The following ACSBG2 variants were observed in gnomAD, a reference collection of about 807,000 sequenced individuals.
ACSBG2 encodes the protein acyl-CoA synthetase bubblegum family member 2.
Under a neutral mutation model 74.7 loss-of-function variants are expected in ACSBG2, and 62 were observed. That is an observed-to-expected ratio of 0.83 (90% CI 0.68 to 1.03). The LOEUF is 1.03. Among genes scored for constraint, ACSBG2 ranks in the 50% least tolerant of loss-of-function variants. ACSBG2 has a pLI of 0.00. For synonymous variants in ACSBG2, 309 were observed against 294.1 expected, an observed-to-expected ratio of 1.05 and a Z score of -0.52; for missense variants, 730 against 817.6, an observed-to-expected ratio of 0.89 and a Z score of 1.31.
At chr19:6,181,221 C>CAA (rs1157571006) in intron 8 of ACSBG2, among the ~76,000 whole-genome samples, 49 of 29,098 alleles carry the variant, frequency 1.7e-3, no homozygotes, top group African/African-American at 4.4e-3. Context: ...GAGACTGTGT[C>CAA]AAAAAAAAAA....
At chr19:6,176,450 C>T (rs2090091341) in intron 7 of ACSBG2, 1 of 1,373,242 alleles carries the variant, frequency 7.3e-7, no homozygotes, top group East Asian at 2.6e-5. Flanking sequence ...TGATCTGTAA[C>T]ATAAGGGACA....
intron 7 of ACSBG2, among the ~76,000 whole-genome samples, chr19:6,171,677 T>C (rs1467043203): frequency 1.3e-5 from 2 of 152,160 alleles, no homozygotes; most frequent in Non-Finnish European, 2.9e-5. Flanking sequence ...CTTGGTCTGA[T>C]GACTATATGC....
At chr19:6,150,971 A>T (rs922887136) in intron 3 of ACSBG2, among the ~76,000 whole-genome samples, 7 of 151,816 alleles carry the variant, frequency 4.6e-5, no homozygotes, top group African/African-American at 1.7e-4. Flanking sequence ...AAAATTAGCC[A>T]GGCGTGGTGG....
In ACSBG2 at chr19:6,187,386, T is replaced by C. The variant is rs1195158866; in HGVS notation, c.1644T>C (p.Asp548=). The C allele has an allele frequency of 2.5e-6, 4 of 1,614,060 alleles. No homozygotes were observed. The African/African-American group carries it at 5.3e-5, about 22-fold the overall frequency. The change falls in exon 12 of 15, where the codon GAT becomes GAC. Residue 548 remains aspartate (D), a synonymous_variant. Coordinates refer to ENST00000588485, the MANE Select transcript of ACSBG2 (RefSeq NM_030924.5). ...TCAGTAACGCCATGTTAGTAGGAGA[T>C]AAACTGAAGTTTCTGAGCATGTTGC... is the stretch of plus-strand genomic sequence containing the variant. The part of the protein sequence containing the change: ...PIISNAMLVG[D]KLKFLSMLLT...
At chr19:6,136,344 G>A (rs1244243385) in intron 1 of ACSBG2, among the ~76,000 whole-genome samples, 42 of 151,814 alleles carry the variant, frequency 2.8e-4, no homozygotes, top group Admixed American at 2.8e-3. Context: ...CACCCGCCTT[G>A]GCCTCCCAAA....
At chr19:6,146,527 AG>A (rs1320395680) in intron 2 of ACSBG2, among the ~76,000 whole-genome samples, 5 of 151,758 alleles carry the variant, frequency 3.3e-5, no homozygotes, top group Non-Finnish European at 5.9e-5. Flanking sequence ...GCACTTTGGG[AG>A]GCCAAGGCGG....
At chr19:6,159,329 A>C (rs2089530597) in intron 5 of ACSBG2, among the ~76,000 whole-genome samples, 1 of 151,998 alleles carries the variant, frequency 6.6e-6, no homozygotes, top group Non-Finnish European at 1.5e-5. Context: ...TCCTAGCAGA[A>C]CACACTATGG....
chr19:6,139,736 T>C (rs969099686), intron 1 of ACSBG2, among the ~76,000 whole-genome samples: 3 of 152,198 alleles, frequency 2.0e-5, no homozygotes, highest in Non-Finnish European at 4.4e-5. Context: ...GGGGACAAAG[T>C]TGACAATATC....
chr19:6,179,455 ATGCCTGACTAAT>A (rs750357617), intron 8 of ACSBG2, among the ~76,000 whole-genome samples: 1 of 151,972 alleles, frequency 6.6e-6, no homozygotes, highest in Non-Finnish European at 1.5e-5. Flanking sequence ...ATGTGCCACC[ATGCCTGACTAAT>A]TTGTTTTACA....
intron 13 of ACSBG2, 109 bp from the exon 14 acceptor site, chr19:6,190,475 C>A (rs2090531119): frequency 3.3e-6 from 3 of 909,690 alleles, no homozygotes; most frequent in South Asian, 1.4e-5. Context: ...ATGGCACAGC[C>A]AGCCACCCAG....
chr19:6,143,996 A>T (rs540988469), intron 2 of ACSBG2, among the ~76,000 whole-genome samples: 2 of 151,002 alleles, frequency 1.3e-5, no homozygotes, highest in South Asian at 2.1e-4. Flanking sequence ...TTTGTTAGTT[A>T]GTTTGTTTGT....
intron 7 of ACSBG2, among the ~76,000 whole-genome samples, chr19:6,168,860 T>C (rs944785468): frequency 2.6e-5 from 4 of 152,138 alleles, no homozygotes; most frequent in African/African-American, 7.2e-5. Flanking sequence ...CACACTGCAA[T>C]GTCCACCTCC....
intron 13 of ACSBG2, 84 bp from the exon 14 acceptor site, chr19:6,190,500 T>A: frequency 8.4e-7 from 1 of 1,197,482 alleles, no homozygotes; most frequent in Non-Finnish European, 1.2e-6. Flanking sequence ...GCCCCAGGCA[T>A]GGGACTCTGT....
At chr19:6,147,779 A>C in intron 3 of ACSBG2, 104 bp downstream of exon 3, 2 of 1,324,948 alleles carry the variant, frequency 1.5e-6, no homozygotes, top group Non-Finnish European at 2.1e-6. Flanking sequence ...AAAAGATACA[A>C]AGGTTAATTG....
At chr19:6,139,740 C>T (rs980900237) in intron 1 of ACSBG2, among the ~76,000 whole-genome samples, 2 of 152,148 alleles carry the variant, frequency 1.3e-5, no homozygotes, top group African/African-American at 4.8e-5. Flanking sequence ...ACAAAGTTGA[C>T]AATATCTGGA....
chr19:6,143,148 G>T (rs1342824136), intron 2 of ACSBG2, among the ~76,000 whole-genome samples: 1 of 152,020 alleles, frequency 6.6e-6, no homozygotes, highest in Non-Finnish European at 1.5e-5. Context: ...AGGCTCAAGC[G>T]ATTCTCATGC....
chr19:6,165,292 G>T (rs766806002), intron 6 of ACSBG2, among the ~76,000 whole-genome samples: 21 of 152,326 alleles, frequency 1.4e-4, no homozygotes, highest in Non-Finnish European at 2.5e-4. Context: ...TACACAGTCT[G>T]TGTCTCAGAA....
At chr19:6,170,345 CTTTTGA>C (rs1568240745) in intron 7 of ACSBG2, among the ~76,000 whole-genome samples, 1 of 152,078 alleles carries the variant, frequency 6.6e-6, no homozygotes, top group East Asian at 1.9e-4. Context: ...GATCATATGG[CTTTTGA>C]TTTTAATTCT....
intron 6 of ACSBG2, among the ~76,000 whole-genome samples, chr19:6,163,217 A>G (rs2089683861): frequency 1.1e-5 from 1 of 95,226 alleles, no homozygotes; most frequent in Non-Finnish European, 2.5e-5. Flanking sequence ...TGGGAGGCTG[A>G]GGCGGGCAGA....
Sources: allele counts gnomAD v4.1 joint callset (sites outside exome capture counted in the v4.1 genomes callset), GRCh38; gene constraint gnomAD v4.1.1; transcripts MANE v1.5; gene names NCBI Gene and HGNC (gene_info 2026-07-23, HGNC 2026-07-21).